The following CCDC60 variants were observed in gnomAD, a reference collection of about 807,000 sequenced individuals.
The protein encoded by CCDC60 is coiled-coil domain-containing protein 60.
A neutral mutation model predicts 63.5 loss-of-function variants in CCDC60; 54 were observed. The ratio of observed to expected loss-of-function variants is 0.85; its 90% CI spans 0.68 to 1.07. CCDC60 has a LOEUF of 1.07. Ranked by LOEUF, CCDC60 falls within the 50% of genes least tolerant of loss-of-function variation. The pLI is 0.00. For missense variants in CCDC60, 651 were observed against 684.3 expected (o/e 0.95, Z 0.54); for synonymous variants, 206 against 238.8 (o/e 0.86, Z 1.27).
chr12:119,527,950 G>A (rs764226451), intron 11 of CCDC60, among the ~76,000 whole-genome samples: 26 of 152,030 alleles, frequency 1.7e-4, no homozygotes, highest in Admixed American at 3.3e-4. Flanking sequence ...GGGATTACAG[G>A]CATGATCCAC....
At chr12:119,481,993 T>C (rs1028524148) in intron 4 of CCDC60, among the ~76,000 whole-genome samples, 8 of 114,148 alleles carry the variant, frequency 7.0e-5, no homozygotes, top group African/African-American at 2.5e-4. Flanking sequence ...TATGTATATA[T>C]ATATGTATAT....
chr12:119,530,755 A>T (rs1952818542), intron 12 of CCDC60, 119 bp from the exon 13 acceptor site: 2 of 774,010 alleles, frequency 2.6e-6, no homozygotes, highest in Admixed American at 5.3e-5. Context: ...CCCTAGATAA[A>T]GAATACTGCT....
chr12:119,360,682 C>T (rs1294277478), intron 1 of CCDC60, among the ~76,000 whole-genome samples: 1 of 148,828 alleles, frequency 6.7e-6, no homozygotes, highest in Non-Finnish European at 1.5e-5. Context: ...CTCCTCACTT[C>T]CTAGATGTGA....
At chr12:119,464,480 A>C in intron 2 of CCDC60, among the ~76,000 whole-genome samples, 1 of 152,000 alleles carries the variant, frequency 6.6e-6, no homozygotes, top group East Asian at 1.9e-4. Flanking sequence ...AAAAGTCTTA[A>C]GTAGAACACT....
intron 1 of CCDC60, among the ~76,000 whole-genome samples, chr12:119,360,431 C>G (rs1192497218): frequency 6.6e-6 from 1 of 150,990 alleles, no homozygotes; most frequent in Non-Finnish European, 1.5e-5. Flanking sequence ...GGCTGCCGGG[C>G]GGAGACGCTC....
chr12:119,534,917 T>C (rs1952960423), intron 13 of CCDC60, among the ~76,000 whole-genome samples: 1 of 152,220 alleles, frequency 6.6e-6, no homozygotes, highest in Admixed American at 6.5e-5. Flanking sequence ...GGTATCAGGA[T>C]GATGTTGGCC....
At chr12:119,437,162 T>C (rs1950341797) in intron 2 of CCDC60, among the ~76,000 whole-genome samples, 2 of 152,156 alleles carry the variant, frequency 1.3e-5, no homozygotes, top group Admixed American at 1.3e-4. Context: ...CATGGTCACT[T>C]TGAGATATGG....
chr12:119,404,460 A>T (rs562246896), intron 1 of CCDC60, among the ~76,000 whole-genome samples: 1 of 152,264 alleles, frequency 6.6e-6, no homozygotes, highest in Admixed American at 6.5e-5. Context: ...GCCATCAATG[A>T]GACCCTGAGA....
chr12:119,504,498 A>T (rs1343398311), intron 6 of CCDC60, among the ~76,000 whole-genome samples: 1 of 152,100 alleles, frequency 6.6e-6, no homozygotes, highest in East Asian at 1.9e-4. Flanking sequence ...GCACCAGACA[A>T]ATCTGCTTCC....
chr12:119,407,808 G>C (rs1364772644), intron 1 of CCDC60, among the ~76,000 whole-genome samples: 1 of 152,018 alleles, frequency 6.6e-6, no homozygotes, highest in Non-Finnish European at 1.5e-5. Flanking sequence ...TGCCCAAACA[G>C]TTAGCAAATG....
chr12:119,464,186 A>G lies in CCDC60; in HGVS notation c.171-7808A>G, dbSNP rs1157347200. Among the ~76,000 whole-genome samples, 4 of 144,686 alleles carry G rather than the reference A, an allele frequency of 2.8e-5. No homozygotes were observed. The East Asian group carries it at 8.9e-4, about 32-fold the overall frequency. 94.9% of individuals were successfully genotyped at this position (144,686 alleles called of 152,430 possible). On this transcript the variant is annotated intron_variant, in intron 2 of 13. Transcript: ENST00000327554. ...GTTCCTGGGGGTTGGACTTCAATGTATGAATTTGGGGAGGACACAACTGAA... is the reference window on the plus strand; with the variant it reads ...GTTCCTGGGGGTTGGACTTCAATGTGTGAATTTGGGGAGGACACAACTGAA...
intron 4 of CCDC60, among the ~76,000 whole-genome samples, chr12:119,481,397 G>A (rs564293872): frequency 2.0e-4 from 30 of 152,224 alleles, no homozygotes; most frequent in Middle Eastern, 6.8e-3. Context: ...TGAATCGTCT[G>A]GGGGTGGGGG....
intron 2 of CCDC60, among the ~76,000 whole-genome samples, chr12:119,444,916 G>C (rs1406251137): frequency 6.6e-6 from 1 of 151,882 alleles, no homozygotes; most frequent in Non-Finnish European, 1.5e-5. Flanking sequence ...CTTACAGGAA[G>C]AGCAAAATGG....
chr12:119,481,051 A>T (rs1951308171), intron 4 of CCDC60, among the ~76,000 whole-genome samples: 2 of 151,562 alleles, frequency 1.3e-5, no homozygotes, highest in Admixed American at 1.3e-4. Flanking sequence ...CATCATCCTC[A>T]CCACCATCAT....
chr12:119,430,667 C>CAAAAAAAAAAAA (rs57881806), intron 2 of CCDC60, among the ~76,000 whole-genome samples: 13 of 106,014 alleles, frequency 1.2e-4, no homozygotes, highest in Non-Finnish European at 2.0e-4. Flanking sequence ...ACTCTGTCTC[C>CAAAAAAAAAAAA]AAAAAAAAAA....
chr12:119,455,126 G>C (rs902477824), intron 2 of CCDC60, among the ~76,000 whole-genome samples: 2 of 150,208 alleles, frequency 1.3e-5, no homozygotes, highest in African/African-American at 4.9e-5. Flanking sequence ...GGTGGTTGTT[G>C]TTTGATTTTG....
At chr12:119,528,822 T>C (rs933720576) in intron 12 of CCDC60, 76 bp downstream of exon 12, 2 of 1,468,066 alleles carry the variant, frequency 1.4e-6, no homozygotes, top group African/African-American at 2.8e-5. Context: ...CACTATTGAT[T>C]CCACTGTCCT....
At chr12:119,460,271 G>A (rs1166637257) in intron 2 of CCDC60, among the ~76,000 whole-genome samples, 1 of 152,168 alleles carries the variant, frequency 6.6e-6, no homozygotes, top group African/African-American at 2.4e-5. Context: ...ATTACATCAT[G>A]CTCCAGGTCC....
At chr12:119,491,466 C>T (rs1250685888) in intron 5 of CCDC60, among the ~76,000 whole-genome samples, 1 of 152,118 alleles carries the variant, frequency 6.6e-6, no homozygotes, top group Non-Finnish European at 1.5e-5. Flanking sequence ...GCAGCTGGGA[C>T]TACAGGTGCC....
Sources: gnomAD v4.1 joint callset for allele counts (sites outside exome capture counted in the v4.1 genomes callset) on GRCh38, gnomAD v4.1.1 for gene constraint, MANE v1.5 for transcripts, NCBI Gene and HGNC (gene_info 2026-07-23, HGNC 2026-07-21) for gene names.